The following RBFOX3 variants were observed in gnomAD, a reference collection of about 807,000 sequenced individuals.
RBFOX3 encodes RNA binding fox-1 homolog 3, also known as RNA binding protein fox-1 homolog 3.
A neutral mutation model predicts 48.7 loss-of-function variants in RBFOX3; 17 were observed. That is an observed-to-expected ratio of 0.35 (90% CI 0.24 to 0.52). RBFOX3 has a LOEUF of 0.52. RBFOX3 is among the 20% of genes least tolerant of loss of function. The pLI is 0.94. For synonymous variants in RBFOX3, 212 were observed against 209.5 expected (o/e 1.01, Z -0.10); for missense variants, 382 against 497.5 (o/e 0.77, Z 2.21).
intron 1 of RBFOX3, chr17:79,601,255 G>A (rs2093698897): frequency 6.6e-6 from 1 of 152,222 alleles, no homozygotes. Flanking sequence ...GGAGCCCGCT[G>A]CGGGGGATAC....
At position 79,106,788 on chromosome 17, in the gene RBFOX3, G is replaced by T; in HGVS notation, c.223C>A (p.Gln75Lys). The change falls in exon 6 of 15, where the codon CAG becomes AAG. Residue 75 changes from glutamine to lysine, a missense_variant and splice_region_variant. Transcript: ENST00000693108. ...TCCGTCTGTGCCGCCTCGTCTGTCT[G>T]CTGCAGGGAGAGGACTGGGCTGTGG... ...QPIAGTQTVP[Q>K]TDEAAQTDSQ... 6.6e-7 allele frequency: 1 copy of T among 1,516,150 alleles called. No individual in the cohort carries two copies. 93.9% of individuals were successfully genotyped at this position (1,516,150 alleles called of 1,614,324 possible).
rs1435449647 is a variant in RBFOX3 at position 79,242,692 on chromosome 17, T to A, written c.-73-6887A>T. On this transcript the variant is annotated intron_variant, in intron 3 of 14. Transcript: ENST00000693108. This position sits in a 1 kb window ranked among gnomAD's most constrained non-coding sequence, Gnocchi z 5.8. The stretch of plus-strand genomic sequence containing the variant: ...TGGCAGGTTCTGGCCATCACAGTAG[T>A]CCCTGGAGTGGCTTTGGGTTCTGAG... Among the ~76,000 whole-genome samples the A allele has an allele frequency of 6.6e-6, 1 of 152,044 alleles. No individual in the cohort carries two copies. Among genetic ancestry groups the A allele is most frequent in the East Asian group, 1.9e-4 (1 of 5,156 alleles).
At chr17:79,576,295 G>A (rs1251042348) in intron 1 of RBFOX3, among the ~76,000 whole-genome samples, 1 of 152,216 alleles carries the variant, frequency 6.6e-6, no homozygotes, top group Non-Finnish European at 1.5e-5. Context: ...GGAGATATGG[G>A]GATGGAGATG....
intron 4 of RBFOX3, among the ~76,000 whole-genome samples, chr17:79,167,709 G>C (rs879375943): frequency 2.0e-5 from 3 of 152,146 alleles, no homozygotes; most frequent in Non-Finnish European, 4.4e-5. Flanking sequence ...TAGATTCCTC[G>C]CTTTAAATTC....
At chr17:79,574,291 A>AT (rs1202459956) in intron 1 of RBFOX3, among the ~76,000 whole-genome samples, 1 of 152,168 alleles carries the variant, frequency 6.6e-6, no homozygotes, top group Admixed American at 6.5e-5. Context: ...ACATTAAGGC[A>AT]TTCTTAGTCA....
rs574278164 is a variant in RBFOX3 at position 79,128,348 on chromosome 17, C to T, written c.-33-12600G>A. On this transcript the variant is annotated intron_variant, in intron 4 of 14. Transcript: ENST00000693108. ...AGAAGCACAAATAAACCATCGTGAG[C>T]GTTTTCTACGACCCACTGAGGTCCC... Among the ~76,000 whole-genome samples, 25 of 152,292 alleles carry T rather than the reference C, an allele frequency of 1.6e-4. No individual in the cohort carries two copies. In the South Asian group the frequency reaches 4.6e-3, roughly 28 times the overall value.
chr17:79,274,849 C>G (rs2068431157), intron 3 of RBFOX3, among the ~76,000 whole-genome samples: 1 of 152,102 alleles, frequency 6.6e-6, no homozygotes, highest in African/African-American at 2.4e-5. Context: ...AACCAGCAAG[C>G]CTCTCAGCCC....
intron 4 of RBFOX3, among the ~76,000 whole-genome samples, chr17:79,151,317 G>C (rs2044372239): frequency 6.7e-6 from 1 of 149,462 alleles, no homozygotes; most frequent in African/African-American, 2.5e-5. Context: ...TGCCCCACGG[G>C]ACGCGTGGTC....
intron 1 of RBFOX3, among the ~76,000 whole-genome samples, chr17:79,582,885 T>C (rs1041170885): frequency 2.6e-5 from 4 of 150,988 alleles, no homozygotes; most frequent in African/African-American, 7.3e-5. Flanking sequence ...TGTGTTTAGA[T>C]GCTCGTTCCT....
chr17:79,551,079 T>C (rs1281907431), intron 1 of RBFOX3, among the ~76,000 whole-genome samples: 1 of 152,172 alleles, frequency 6.6e-6, no homozygotes, highest in Non-Finnish European at 1.5e-5. Flanking sequence ...AATAGTCGCA[T>C]GCAACTAGTA....
chr17:79,196,801 G>C (rs1454873243), intron 4 of RBFOX3, among the ~76,000 whole-genome samples: 1 of 152,330 alleles, frequency 6.6e-6, no homozygotes, highest in Non-Finnish European at 1.5e-5. Context: ...AATTAGGAAT[G>C]CATTATGCTT....
rs566226499 is a variant in RBFOX3 at position 79,158,673 on chromosome 17, GCTCA to G, written c.-33-42929_-33-42926del. Among the ~76,000 whole-genome samples the G allele has an allele frequency of 3.8e-4, 58 of 152,330 alleles. 1 individual carries two copies. The South Asian group carries it at 0.012, about 31-fold the overall frequency. ...GCAAGGAAGGTGGCTAGGGCTCAGA[GCTCA>G]CTGTTTTCTGGGAGGAGAAATTAAA... On this transcript the variant is annotated intron_variant, in intron 4 of 14. Transcript: ENST00000693108.
At chr17:79,163,046 G>A (rs534688249) in intron 4 of RBFOX3, among the ~76,000 whole-genome samples, 6 of 152,186 alleles carry the variant, frequency 3.9e-5, no homozygotes, top group Non-Finnish European at 8.8e-5. Flanking sequence ...GGGTGACGGC[G>A]GGACCAAAAC....
chr17:79,146,178 G>A lies in RBFOX3; in HGVS notation c.-33-30430C>T, dbSNP rs111860818. Among the ~76,000 whole-genome samples, 8 of 152,262 alleles carry A rather than the reference G, an allele frequency of 5.3e-5. No homozygotes were observed. The South Asian group carries it at 6.2e-4, about 12-fold the overall frequency. The stretch of plus-strand genomic sequence containing the variant: ...GCCCGCTGCTCACCTCCTGCTGTGC[G>A]CCCCAGTTCCCACCAAGCCATGGAG... On this transcript the variant is annotated intron_variant, in intron 4 of 14. Transcript: ENST00000693108.
chr17:79,373,246 G>A (rs1276241503), intron 2 of RBFOX3, among the ~76,000 whole-genome samples: 1 of 151,986 alleles, frequency 6.6e-6, no homozygotes, highest in African/African-American at 2.4e-5. Flanking sequence ...CCACCCCTAC[G>A]GCCCCCACAC....
chr17:79,421,514 G>A lies in RBFOX3; in HGVS notation c.-175+60940C>T, dbSNP rs542006373. The stretch of plus-strand genomic sequence containing the variant: ...CCCCTGAAGAAAGCATGTGGGGAGG[G>A]ACAGGGCCCAGGGCCTCACCTGGAC... On this transcript the variant is annotated intron_variant, in intron 2 of 14. Coordinates refer to ENST00000693108, the MANE Select transcript of RBFOX3 (RefSeq NM_001350451.2). The surrounding 1 kb of genome is among the most constrained non-coding windows in gnomAD (Gnocchi z 4.5). Among the ~76,000 whole-genome samples the A allele has an allele frequency of 6.6e-6, 1 of 152,186 alleles. No individual in the cohort carries two copies. Among genetic ancestry groups the A allele is most frequent in the African/African-American group, 2.4e-5 (1 of 41,532 alleles).
chr17:79,604,935 G>A (rs2093793240), intron 1 of RBFOX3, among the ~76,000 whole-genome samples: 1 of 152,210 alleles, frequency 6.6e-6, no homozygotes, highest in Admixed American at 6.5e-5. Context: ...CCAAGGATGT[G>A]AACTGCAGGA....
At position 79,476,605 on chromosome 17, in the gene RBFOX3, A is replaced by C. The variant is rs1239947214; in HGVS notation, c.-175+5849T>G. ...AGCCACATGTTTCCCCTTGAAGGGGAAAGGAAAGAGGGGATAAGGCATCTC... is the reference window on the plus strand; with the variant it reads ...AGCCACATGTTTCCCCTTGAAGGGGCAAGGAAAGAGGGGATAAGGCATCTC... On this transcript the variant is annotated intron_variant, in intron 2 of 14. Transcript: ENST00000693108. Among the ~76,000 whole-genome samples the C allele has an allele frequency of 2.0e-5, 3 of 152,142 alleles. No individual in the cohort carries two copies. The East Asian group carries it at 5.8e-4, about 29-fold the overall frequency.
rs1490470349 is a variant in RBFOX3, at chr17:79,477,419, G to A, written c.-175+5035C>T. Among the ~76,000 whole-genome samples, 7 of 151,964 alleles carry A rather than the reference G, an allele frequency of 4.6e-5. No homozygotes were observed. The East Asian group carries it at 7.7e-4, about 17-fold the overall frequency. On this transcript the variant is annotated intron_variant, in intron 2 of 14. Transcript: ENST00000693108. The surrounding 1 kb of genome is among the most constrained non-coding windows in gnomAD (Gnocchi z 4.8). ...AAAATACAAAACATTAGCCAGACGT[G>A]GTGGCGGGCGCCTGTAGTCCCAGCT... is the stretch of plus-strand genomic sequence containing the variant.
Sources: gnomAD v4.1 joint callset for allele counts (sites outside exome capture counted in the v4.1 genomes callset) on GRCh38, gnomAD v4.1.1 for gene constraint, Gnocchi (gnomAD v3.1) non-coding constraint, MANE v1.5 for transcripts, NCBI Gene and HGNC (gene_info 2026-07-23, HGNC 2026-07-21) for gene names.